GEMIN5: variants seen among roughly 807,000 people sequenced by gnomAD.
GEMIN5 encodes the protein gem-associated protein 5.
In GEMIN5, 124 loss-of-function variants were observed where a neutral mutation model predicts 176.9. The ratio of observed to expected loss-of-function variants is 0.70; its 90% CI spans 0.61 to 0.81. GEMIN5 has a LOEUF of 0.81. Among genes scored for constraint, GEMIN5 ranks in the 40% least tolerant of loss-of-function variants. The pLI is 0.00. For missense variants in GEMIN5, 1,843 were observed against 1,814.6 expected (o/e 1.02, Z -0.28); for synonymous variants, 673 against 665.2 (o/e 1.01, Z -0.18).
At chr5:154,918,773 G>A (rs1763861493) in intron 11 of GEMIN5, among the ~76,000 whole-genome samples, 1 of 152,202 alleles carries the variant, frequency 6.6e-6, no homozygotes, top group Non-Finnish European at 1.5e-5. Flanking sequence ...GCTGGGCATG[G>A]TGGCTCATGC....
chr5:154,895,836 CA>C (rs1446856989), intron 24 of GEMIN5, among the ~76,000 whole-genome samples: 1 of 152,054 alleles, frequency 6.6e-6, no homozygotes, highest in Admixed American at 6.6e-5. Flanking sequence ...TGCAGTGAGC[CA>C]AGATCATGCC....
chr5:154,915,543 A>C (rs947388980), intron 13 of GEMIN5, among the ~76,000 whole-genome samples: 4 of 152,226 alleles, frequency 2.6e-5, no homozygotes, highest in African/African-American at 9.6e-5. Flanking sequence ...ATGGAATAGT[A>C]CTTGCTAGAA....
chr5:154,887,935 G>A lies in GEMIN5; in HGVS notation c.*275C>T. On this transcript the variant is annotated 3_prime_UTR_variant, in exon 28 of 28. Transcript: ENST00000285873. ...TGGGTGAAACCTGCCTAAGGCTGTA[G>A]AGATGACCAACACTCTGCAGGTGTT... 2.5e-6 allele frequency: 1 copy of A among 395,442 alleles called. No individual in the cohort carries two copies. Among genetic ancestry groups the A allele is most frequent in the South Asian group, 2.6e-5 (1 of 38,136 alleles). 24.5% of individuals were successfully genotyped at this position (395,442 alleles called of 1,614,324 possible).
chr5:154,909,980 AG>A (rs1239977596), intron 15 of GEMIN5, among the ~76,000 whole-genome samples: 1,530 of 110,966 alleles, frequency 0.014, 31 homozygotes, highest in African/African-American at 0.047. Flanking sequence ...CTCCGTTTCA[AG>A]AAAAAAAAAA....
chr5:154,902,215 T>G (rs1313027886), intron 20 of GEMIN5, among the ~76,000 whole-genome samples: 1 of 152,158 alleles, frequency 6.6e-6, no homozygotes, highest in African/African-American at 2.4e-5. Context: ...ACGCCTAGCC[T>G]TAAGCAATCC....
intron 21 of GEMIN5, 23 bp from the exon 22 acceptor site, chr5:154,899,333 T>A: frequency 6.3e-7 from 1 of 1,586,704 alleles, no homozygotes; most frequent in African/African-American, 1.3e-5. Flanking sequence ...ACAGACCCTT[T>A]AGCCAATCTG....
At position 154,888,387 on chromosome 5, in the gene GEMIN5, G is replaced by A. The variant is rs1212963690; in HGVS notation, c.4360-10C>T. 11 of 1,610,398 alleles carry A rather than the reference G, an allele frequency of 6.8e-6. No individual in the cohort carries two copies. The highest frequency in any genetic ancestry group is 4.5e-5 in the East Asian group (2 of 44,834). On this transcript the variant is annotated splice_polypyrimidine_tract_variant and intron_variant, in intron 27 of 27. Coordinates refer to ENST00000285873, the MANE Select transcript of GEMIN5 (RefSeq NM_015465.5). ...CTGGGAAGGGCCAGGCCTGAAAGACGATGACATGAGGATGAATAAGGAAGC... is the reference window on the plus strand; with the variant it reads ...CTGGGAAGGGCCAGGCCTGAAAGACAATGACATGAGGATGAATAAGGAAGC...
At chr5:154,903,391 T>TA (rs938236431) in intron 18 of GEMIN5, among the ~76,000 whole-genome samples, 4 of 151,910 alleles carry the variant, frequency 2.6e-5, no homozygotes, top group Non-Finnish European at 5.9e-5. Context: ...TTAAGTGCAG[T>TA]AAAAAACAAG....
chr5:154,927,784 G>A (rs946687674), intron 6 of GEMIN5, among the ~76,000 whole-genome samples: 44 of 152,202 alleles, frequency 2.9e-4, no homozygotes, highest in African/African-American at 9.9e-4. Flanking sequence ...TTGAAGCCCC[G>A]ATCTCAAGAC....
chr5:154,908,958 T>C (rs2113478495), intron 15 of GEMIN5, among the ~76,000 whole-genome samples: 1 of 152,206 alleles, frequency 6.6e-6, no homozygotes, highest in East Asian at 1.9e-4. Context: ...TGTTTTTTCT[T>C]TTTTTCTCTT....
At chr5:154,903,855 G>C (rs1763517793) in intron 18 of GEMIN5, among the ~76,000 whole-genome samples, 2 of 151,720 alleles carry the variant, frequency 1.3e-5, no homozygotes, top group African/African-American at 4.8e-5. Context: ...TAAATAGAGA[G>C]AGGGTCTCAC....
chr5:154,909,010 G>A (rs536695515), intron 15 of GEMIN5, among the ~76,000 whole-genome samples: 3 of 152,008 alleles, frequency 2.0e-5, no homozygotes, highest in East Asian at 1.9e-4. Flanking sequence ...GCTGGAGTGC[G>A]GTGGCAGAAT....
chr5:154,937,922 A>G, intron 1 of GEMIN5, 46 bp downstream of exon 1: 1 of 1,475,740 alleles, frequency 6.8e-7, no homozygotes, highest in African/African-American at 1.5e-5. Flanking sequence ...GCCCCTGGGG[A>G]GCGTACAAAG....
At chr5:154,925,029 A>T (rs2113502494) in intron 8 of GEMIN5, among the ~76,000 whole-genome samples, 1 of 152,218 alleles carries the variant, frequency 6.6e-6, no homozygotes, top group Admixed American at 6.5e-5. Flanking sequence ...AAACAAAGTC[A>T]ATGTCATCTG....
chr5:154,928,261 T>C (rs972121656), intron 6 of GEMIN5, among the ~76,000 whole-genome samples: 1 of 152,202 alleles, frequency 6.6e-6, no homozygotes, highest in Non-Finnish European at 1.5e-5. Flanking sequence ...AGGGTCTTGC[T>C]CAGGAATACA....
chr5:154,932,513 A>G (rs568164364), intron 3 of GEMIN5, among the ~76,000 whole-genome samples: 3 of 152,230 alleles, frequency 2.0e-5, no homozygotes, highest in African/African-American at 7.2e-5. Flanking sequence ...TGCCTGGTAC[A>G]AAACTCACAG....
At position 154,896,262 on chromosome 5, in the gene GEMIN5, A is replaced by AG; in HGVS notation, c.3426dup (p.Ser1143LeufsTer29). On this transcript the variant is annotated frameshift_variant, in exon 24 of 28. Transcript: ENST00000285873. LOFTEE classifies it high-confidence loss of function. ...CCCGTGTTCCAAGTGTGGTAAGAGGAGGAGCTTTTGCCCTCTGAAAGCTGC... is the reference window on the plus strand; with the variant it reads ...CCCGTGTTCCAAGTGTGGTAAGAGGAGGGAGCTTTTGCCCTCTGAAAGCTGC... 6.2e-7 allele frequency: 1 copy of AG among 1,613,510 alleles called. No individual in the cohort carries two copies. The highest frequency in any genetic ancestry group is 8.5e-7 in the Non-Finnish European group (1 of 1,179,760).
Position 154,891,366 on chromosome 5 carries a change from C to G in GEMIN5, c.4137G>C (p.Glu1379Asp). ...NSQRTVAEVQ[E>D]TLAEMIRQHQ... ...GTTGTCGGATCATTTCTGCCAAGGT[C>G]TCTTGGACTTCAGCAACAGTTCTCT... The change falls in exon 26 of 28, where the codon GAG (glutamate) becomes GAC (aspartate). Residue 1379 changes from glutamate (E) to aspartate (D), a missense_variant. Physicochemically the swap from Glu to Asp is conservative, Grantham distance 45. Transcript: ENST00000285873. 1 of 1,614,102 alleles carries G rather than the reference C, an allele frequency of 6.2e-7. No homozygotes were observed. The highest frequency in any genetic ancestry group is 8.5e-7 in the Non-Finnish European group (1 of 1,180,020).
rs1014334960 is a variant in GEMIN5 at position 154,932,860 on chromosome 5, C to A, written c.510-610G>T. Among the ~76,000 whole-genome samples, 3 of 152,126 alleles carry A rather than the reference C, an allele frequency of 2.0e-5. No homozygotes were observed. In the East Asian group the frequency reaches 5.8e-4, roughly 29 times the overall value. On this transcript the variant is annotated intron_variant, in intron 3 of 27. Coordinates refer to ENST00000285873, the MANE Select transcript of GEMIN5 (RefSeq NM_015465.5). ...GATTATAGGCATCAGCCACCACACCCGGCCAACTCTTCTAACTAGAGATAA... is the reference window on the plus strand; with the variant it reads ...GATTATAGGCATCAGCCACCACACCAGGCCAACTCTTCTAACTAGAGATAA...
Sources: gnomAD v4.1 joint callset for allele counts (sites outside exome capture counted in the v4.1 genomes callset) on GRCh38, gnomAD v4.1.1 for gene constraint, MANE v1.5 for transcripts, NCBI Gene and HGNC (gene_info 2026-07-23, HGNC 2026-07-21) for gene names.